Variants in PTPRD observed in about 807,000 individuals in gnomAD.
PTPRD encodes the protein receptor-type tyrosine-protein phosphatase delta.
In PTPRD, 34 loss-of-function variants were observed where a neutral mutation model predicts 214.5. The observed-to-expected ratio is 0.16, with a 90% CI of 0.12 to 0.21. The LOEUF is 0.21. Ranked by LOEUF, PTPRD falls within the 10% of genes least tolerant of loss-of-function variation. PTPRD has a pLI of 1.00. For synonymous variants in PTPRD, 1,128 were observed against 845.7 expected, an observed-to-expected ratio of 1.33 and a Z score of -5.79; for missense variants, 2,545 against 2,398.7, an observed-to-expected ratio of 1.06 and a Z score of -1.27.
At chr9:10,261,016 G>GTGTGTATATATATTATATA (rs879874468) in intron 3 of PTPRD, among the ~76,000 whole-genome samples, 53 of 145,198 alleles carry the variant, frequency 3.7e-4, no homozygotes, top group African/African-American at 9.2e-4. Context: ...ATGTATATAT[G>GTGTGTATATATATTATATA]TGTGTATATA....
intron 5 of PTPRD, among the ~76,000 whole-genome samples, chr9:9,870,233 G>T (rs12000306): frequency 0.059 from 8,954 of 151,692 alleles, 817 homozygotes; most frequent in African/African-American, 0.2. Flanking sequence ...GAAAATTCCC[G>T]AATAAAAAGA....
At chr9:8,945,380 A>G (rs1027787168) in intron 11 of PTPRD, among the ~76,000 whole-genome samples, 1 of 152,056 alleles carries the variant, frequency 6.6e-6, no homozygotes, top group Non-Finnish European at 1.5e-5. Context: ...AGCAGTCACC[A>G]AGACTTGTTC....
intron 39 of PTPRD, among the ~76,000 whole-genome samples, chr9:8,354,980 A>G (rs1242857552): frequency 6.6e-6 from 1 of 152,180 alleles, no homozygotes; most frequent in Non-Finnish European, 1.5e-5. Flanking sequence ...CTGCCAAAAT[A>G]GGTCTTTGTG....
intron 11 of PTPRD, among the ~76,000 whole-genome samples, chr9:8,972,974 G>A (rs2099247560): frequency 6.7e-6 from 1 of 150,084 alleles, no homozygotes. Flanking sequence ...GCTTTCATTT[G>A]CAGGCATATT....
chr9:8,951,181 G>A (rs918736111), intron 11 of PTPRD, among the ~76,000 whole-genome samples: 2 of 150,858 alleles, frequency 1.3e-5, no homozygotes, highest in Non-Finnish European at 3.0e-5. Flanking sequence ...GAGAGGAAGA[G>A]GAGAAACAGA....
chr9:9,229,408 A>G (rs2099961671), intron 9 of PTPRD, among the ~76,000 whole-genome samples: 1 of 152,114 alleles, frequency 6.6e-6, no homozygotes, highest in Non-Finnish European at 1.5e-5. Flanking sequence ...AATGCCTCAT[A>G]GAAGAAAGTC....
At chr9:10,533,412 T>C (rs1253450115) in intron 2 of PTPRD, among the ~76,000 whole-genome samples, 1 of 152,146 alleles carries the variant, frequency 6.6e-6, no homozygotes, top group South Asian at 2.1e-4. Context: ...GTCTTATTTG[T>C]AGATGAGAAA....
intron 11 of PTPRD, among the ~76,000 whole-genome samples, chr9:8,933,829 A>G (rs1381290506): frequency 2.0e-5 from 3 of 152,190 alleles, no homozygotes; most frequent in Non-Finnish European, 2.9e-5. Flanking sequence ...GCAAGATTAT[A>G]TCTTAATCTT....
chr9:10,165,443 C>T (rs1157256049), intron 3 of PTPRD, among the ~76,000 whole-genome samples: 3 of 151,670 alleles, frequency 2.0e-5, no homozygotes, highest in African/African-American at 7.3e-5. Context: ...GGTAGAATAA[C>T]ATGCTGAAAA....
intron 11 of PTPRD, among the ~76,000 whole-genome samples, chr9:8,941,915 C>G (rs1052848228): frequency 6.6e-6 from 1 of 152,194 alleles, no homozygotes; most frequent in African/African-American, 2.4e-5. Flanking sequence ...AAGCGATTCT[C>G]TTGCCTCAGC....
intron 8 of PTPRD, among the ~76,000 whole-genome samples, chr9:9,492,271 C>G (rs769091707): frequency 6.0e-5 from 9 of 149,190 alleles, no homozygotes; most frequent in Non-Finnish European, 1.3e-4. Flanking sequence ...TGACATATAT[C>G]TTCTATATAT....
intron 12 of PTPRD, among the ~76,000 whole-genome samples, chr9:8,730,124 C>T (rs535686271): frequency 3.9e-5 from 6 of 152,154 alleles, no homozygotes; most frequent in African/African-American, 9.6e-5. Context: ...GGCGAGGTGG[C>T]GGGCACCTGT....
chr9:10,482,294 C>A lies in PTPRD; in HGVS notation c.-600+130104G>T, dbSNP rs1473348393. On this transcript the variant is annotated intron_variant, in intron 2 of 45. Transcript: ENST00000381196. ...GCTGAGGCAGGAGAATGGCATGAAC[C>A]CGGGAGGTGGAGCTTACAGTGAGCC... Among the ~76,000 whole-genome samples, 9 of 152,100 alleles carry A rather than the reference C, an allele frequency of 5.9e-5. No homozygotes were observed. In the South Asian group the frequency reaches 1.5e-3, roughly 25 times the overall value.
intron 8 of PTPRD, among the ~76,000 whole-genome samples, chr9:9,471,777 A>AC (rs5896336): frequency 0.58 from 88,148 of 151,892 alleles, 25,947 homozygotes; most frequent in East Asian, 0.69. Flanking sequence ...TTAGGCATTC[A>AC]CCCCCATTAT....
At chr9:9,545,482 A>G (rs1405288018) in intron 8 of PTPRD, among the ~76,000 whole-genome samples, 1 of 151,934 alleles carries the variant, frequency 6.6e-6, no homozygotes, top group Non-Finnish European at 1.5e-5. Context: ...TCTATTGTTT[A>G]GATGTGCCAC....
chr9:8,872,488 A>G (rs529687868), intron 11 of PTPRD, among the ~76,000 whole-genome samples: 2 of 152,228 alleles, frequency 1.3e-5, no homozygotes, highest in African/African-American at 4.8e-5. Flanking sequence ...TAAAAACACA[A>G]TAAAGAAAAC....
chr9:10,281,018 C>T (rs2095075456), intron 3 of PTPRD, among the ~76,000 whole-genome samples: 1 of 152,160 alleles, frequency 6.6e-6, no homozygotes, highest in African/African-American at 2.4e-5. Context: ...TATATGTAAA[C>T]CAGCACATTC....
chr9:8,986,761 T>G (rs59038190), intron 11 of PTPRD, among the ~76,000 whole-genome samples: 72 of 152,218 alleles, frequency 4.7e-4, no homozygotes, highest in African/African-American at 1.7e-3. Flanking sequence ...TGTAAGCATT[T>G]TAAATGTTTT....
At chr9:8,672,598 G>A (rs901662819) in intron 12 of PTPRD, among the ~76,000 whole-genome samples, 2 of 152,038 alleles carry the variant, frequency 1.3e-5, no homozygotes, top group East Asian at 1.9e-4. Flanking sequence ...TAAAAAGGGT[G>A]TAAAGTTAGA....
Sources: gnomAD v4.1 joint callset for allele counts (sites outside exome capture counted in the v4.1 genomes callset) on GRCh38, gnomAD v4.1.1 for gene constraint, MANE v1.5 for transcripts, NCBI Gene and HGNC (gene_info 2026-07-23, HGNC 2026-07-21) for gene names.